Variants in WDR75 observed in about 807,000 individuals in gnomAD.
WDR75 encodes WD repeat domain 75.
Under a neutral mutation model 106.1 loss-of-function variants are expected in WDR75, and 52 were observed. The ratio of observed to expected loss-of-function variants is 0.49; its 90% confidence interval spans 0.39 to 0.62. The LOEUF (loss-of-function observed/expected upper bound fraction) is 0.62. Ranked by LOEUF, WDR75 falls within the 20% of genes least tolerant of loss-of-function variation. WDR75 has a pLI of 0.00. For missense variants in WDR75, 905 were observed against 970.3 expected (o/e 0.93, Z 0.89); for synonymous variants, 333 against 335.5 (o/e 0.99, Z 0.08).
At chr2:189,459,896 G>A (rs1186383977) in intron 8 of WDR75, among the ~76,000 whole-genome samples, 2 of 152,180 alleles carry the variant, frequency 1.3e-5, no homozygotes, top group African/African-American at 4.8e-5. Context: ...GGTGGGTTTG[G>A]ACCTGGTTCT....
At position 189,455,310 on chromosome 2, in the gene WDR75, C is replaced by A. The variant is rs1263241196; in HGVS notation, c.374-10C>A. 1 of 1,611,464 alleles carries A rather than the reference C, an allele frequency of 6.2e-7. No homozygotes were observed. Among genetic ancestry groups the A allele is most frequent in the South Asian group, 1.1e-5 (1 of 90,918 alleles). On this transcript the variant is annotated splice_polypyrimidine_tract_variant and intron_variant, in intron 4 of 20. Coordinates refer to ENST00000314761, the MANE Select transcript of WDR75 (RefSeq NM_032168.3). ...AGAAGCTTTATATTAATATAGCTTT[C>A]TTTGGCTAGATATATTTCAGCTGGT...
At chr2:189,464,830 C>T (rs962401425) in intron 11 of WDR75, among the ~76,000 whole-genome samples, 5 of 151,908 alleles carry the variant, frequency 3.3e-5, no homozygotes, top group African/African-American at 7.3e-5. Context: ...TGTTAGTAAT[C>T]GCTAATATTC....
chr2:189,449,589 T>C (rs1209978040), intron 2 of WDR75: 6 of 1,041,806 alleles, frequency 5.8e-6, no homozygotes, highest in Non-Finnish European at 4.6e-6. Context: ...TGACTGAAAG[T>C]GAGTAAAATT....
intron 4 of WDR75, among the ~76,000 whole-genome samples, chr2:189,452,247 G>C (rs1034865062): frequency 2.6e-5 from 4 of 152,026 alleles, no homozygotes; most frequent in African/African-American, 7.3e-5. Context: ...TTAAGTCAGG[G>C]TGGAAATGGC....
At chr2:189,471,675 C>G (rs571907960) in intron 18 of WDR75, among the ~76,000 whole-genome samples, 1 of 152,162 alleles carries the variant, frequency 6.6e-6, no homozygotes, top group East Asian at 1.9e-4. Flanking sequence ...TGTCTTCAGT[C>G]TGGACTGATT....
chr2:189,448,406 T>C lies in WDR75; in HGVS notation c.114T>C (p.Phe38=), dbSNP rs561597214. ...ATATCTTCTGTGTCTCTGGAGACTT[T>C]GTTAAAGTTTACAGCACAGTTACAG... ...SKYIFCVSGD[F]VKVYSTVTEE... Residue 38 remains phenylalanine, a synonymous_variant, in exon 2 of 21, where the codon TTT becomes TTC. Coordinates refer to ENST00000314761, the MANE Select transcript of WDR75 (RefSeq NM_032168.3). 5 of 1,613,776 alleles carry C rather than the reference T, an allele frequency of 3.1e-6. No individual in the cohort carries two copies. The East Asian group carries it at 6.7e-5, about 22-fold the overall frequency.
At chr2:189,449,853 AT>A in intron 2 of WDR75, 1 of 984,896 alleles carries the variant, frequency 1.0e-6, no homozygotes. Context: ...CTCTGAGTCC[AT>A]GTCTCTATTT....
chr2:189,445,150 G>A (rs777255872), intron 1 of WDR75, among the ~76,000 whole-genome samples: 5 of 152,260 alleles, frequency 3.3e-5, no homozygotes, highest in Middle Eastern at 3.4e-3. Flanking sequence ...CTATGAGAAC[G>A]TGTTATTTAC....
rs909805975 is a variant in WDR75, at chr2:189,449,156, T to C, written c.216+648T>C. 6.4e-6 allele frequency: 6 copies of C among 940,802 alleles called. No homozygotes were observed. The Admixed American group carries it at 7.5e-5, about 12-fold the overall frequency. 58.3% of individuals were successfully genotyped at this position (940,802 alleles called of 1,614,324 possible). On this transcript the variant is annotated intron_variant, in intron 2 of 20. Coordinates refer to ENST00000314761, the MANE Select transcript of WDR75 (RefSeq NM_032168.3). The stretch of plus-strand genomic sequence containing the variant: ...TGAAATGGTCATGTTAATTCTGTTC[T>C]TAAGTTTCGGCAAATCTACTAAAAT...
intron 8 of WDR75, among the ~76,000 whole-genome samples, chr2:189,461,480 GA>G: frequency 6.6e-6 from 1 of 150,532 alleles, no homozygotes. Context: ...CATGAGTTAG[GA>G]TTTTTTTTCT....
At position 189,449,313 on chromosome 2, in the gene WDR75, A is replaced by G. The variant is rs766493781; in HGVS notation, c.216+805A>G. 56 of 1,303,382 alleles carry G rather than the reference A, an allele frequency of 4.3e-5. No homozygotes were observed. In the South Asian group the frequency reaches 6.9e-4, roughly 16 times the overall value. 80.7% of individuals were successfully genotyped at this position (1,303,382 alleles called of 1,614,324 possible). ...TGCCATTCACTTTTATTCCAAAGGAAATAAAGTAGCACCGATCTTTTCTTT... is the reference window on the plus strand; with the variant it reads ...TGCCATTCACTTTTATTCCAAAGGAGATAAAGTAGCACCGATCTTTTCTTT... On this transcript the variant is annotated intron_variant, in intron 2 of 20. Transcript: ENST00000314761.
In WDR75 at chr2:189,474,277, T is replaced by G. The variant is rs143416795; in HGVS notation, c.2141T>G (p.Leu714Ter). ...CAGGATGAAAAACTAAACGAAACTT[T>G]AGAGAATGAGCTGGTACAACTACCC... ...QQQDEKLNET[L>*]ENELVQLPLT... is the part of the protein sequence containing the mutation. Residue 714 changes from leucine to a stop codon, truncating the protein, a stop_gained, in exon 19 of 21, where the codon TTA becomes TGA. Transcript: ENST00000314761. LOFTEE classifies it high-confidence loss of function. 152 of 1,613,692 alleles carry G rather than the reference T, an allele frequency of 9.4e-5. No homozygotes were observed. The highest frequency in any genetic ancestry group is 1.9e-5 in the Non-Finnish European group (23 of 1,179,830).
chr2:189,469,602 C>T (rs1215096989), intron 16 of WDR75, among the ~76,000 whole-genome samples, 163 bp downstream of exon 16: 1 of 152,098 alleles, frequency 6.6e-6, no homozygotes, highest in Non-Finnish European at 1.5e-5. Context: ...TGTGTGCGTC[C>T]ATACTTAGTT....
At position 189,470,107 on chromosome 2, in the gene WDR75, A is replaced by G. The variant is rs1469810579; in HGVS notation, c.1851A>G (p.Pro617=). The G allele has an allele frequency of 6.8e-6, 11 of 1,613,130 alleles. No homozygotes were observed. Among genetic ancestry groups the G allele is most frequent in the South Asian group, 4.4e-5 (4 of 91,030 alleles). The change falls in exon 17 of 21, where the codon CCA becomes CCG. Residue 617 remains proline (P), a synonymous_variant. Transcript: ENST00000314761. ...TATTTAAACCTAGTGAGCCAAGGCC[A>G]TTGTATATTCAAAAGGGTATCTCCA... ...LFVFKPSEPR[P]LYIQKGISRE... is the part of the protein sequence containing the mutation.
intron 11 of WDR75, chr2:189,464,205 CCCT>C: frequency 2.1e-6 from 1 of 477,728 alleles, no homozygotes; most frequent in Admixed American, 3.8e-5. Flanking sequence ...TTTCAGAATG[CCCT>C]CCTATTAGCT....
intron 14 of WDR75, among the ~76,000 whole-genome samples, chr2:189,468,200 G>A (rs1212758664): frequency 2.0e-5 from 3 of 152,172 alleles, no homozygotes; most frequent in East Asian, 3.9e-4. Flanking sequence ...ATGACTGTAC[G>A]TTTCATGTAC....
intron 13 of WDR75, 88 bp from the exon 14 acceptor site, chr2:189,467,380 C>T: frequency 7.3e-7 from 1 of 1,378,564 alleles, no homozygotes; most frequent in South Asian, 1.5e-5. Flanking sequence ...GAAAGTGAAC[C>T]CTCAGATAAT....
intron 1 of WDR75, among the ~76,000 whole-genome samples, chr2:189,446,453 A>G (rs1460141341): frequency 6.6e-6 from 1 of 152,196 alleles, no homozygotes; most frequent in African/African-American, 2.4e-5. Context: ...ATATATCGCA[A>G]ATGCTTTGTT....
In WDR75 at chr2:189,448,430, A is replaced by C; in HGVS notation, c.138A>C (p.Thr46=). The part of the protein sequence containing the change: ...GDFVKVYSTV[T]EECVHILHGH... ...TTGTTAAAGTTTACAGCACAGTTACAGAAGAGTGTGTACACATACTGCATG... is the reference window on the plus strand; with the variant it reads ...TTGTTAAAGTTTACAGCACAGTTACCGAAGAGTGTGTACACATACTGCATG... Residue 46 remains threonine (T), a synonymous_variant, in exon 2 of 21, where the codon ACA becomes ACC. Coordinates refer to ENST00000314761, the MANE Select transcript of WDR75 (RefSeq NM_032168.3). 6.2e-7 allele frequency: 1 copy of C among 1,613,972 alleles called. No homozygotes were observed. The highest frequency in any genetic ancestry group is 8.5e-7 in the Non-Finnish European group (1 of 1,179,850).
Sources: allele counts gnomAD v4.1 joint callset (sites outside exome capture counted in the v4.1 genomes callset), GRCh38; gene constraint gnomAD v4.1.1; transcripts MANE v1.5; gene names NCBI Gene and HGNC (gene_info 2026-07-23, HGNC 2026-07-21).